PRRC2B: variants seen among roughly 807,000 people sequenced by gnomAD.
The protein encoded by PRRC2B is proline rich coiled-coil 2B.
PRRC2B carries 68 observed loss-of-function variants against 242.3 expected under a neutral mutation model. The ratio of observed to expected loss-of-function variants is 0.28; its 90% CI spans 0.23 to 0.34. The LOEUF (loss-of-function observed/expected upper bound fraction) is 0.34, where lower values mean the gene tolerates loss of function less well. Among genes scored for constraint, PRRC2B ranks in the 10% least tolerant of loss-of-function variants. The pLI, the probability that PRRC2B is intolerant of heterozygous loss-of-function variation, is 1.00. For synonymous variants in PRRC2B, 1,228 were observed against 1,173.6 expected (o/e 1.05, Z -0.95); for missense variants, 2,835 against 2,954.8 (o/e 0.96, Z 0.94).
intron 1 of PRRC2B, among the ~76,000 whole-genome samples, chr9:131,397,561 G>A (rs977575930): frequency 3.9e-5 from 3 of 76,052 alleles, no homozygotes; most frequent in South Asian, 4.3e-4. Flanking sequence ...GTACTTTTGA[G>A]GGTTTTTTTT....
Position 131,484,516 on chromosome 9 carries a change from C to T in PRRC2B, c.5461-170C>T, listed in dbSNP as rs376241023. Among the ~76,000 whole-genome samples, 187 of 152,250 alleles carry T rather than the reference C, an allele frequency of 1.2e-3. 2 individuals are homozygous for T. The highest frequency in any genetic ancestry group is 3.9e-3 in the African/African-American group (162 of 41,548). The stretch of plus-strand genomic sequence containing the variant: ...ATACTGAAGATGCATTTGGACAATT[C>T]ATAGACACGGAGCTGTAGGTGCTTT... On this transcript the variant is annotated intron_variant, in intron 23 of 31. Coordinates refer to ENST00000683519, the MANE Select transcript of PRRC2B (RefSeq NM_013318.4).
At position 131,495,850 on chromosome 9, in the gene PRRC2B, C is replaced by CAA; in HGVS notation, c.6668_6669dup (p.Val2224LysfsTer76). ...CCGGAGCGATCAAGCCTCGGGCTGT[C>CAA]AAAGTGGAGGAGAGTAAGGCCTGAC... On this transcript the variant is annotated frameshift_variant, in exon 32 of 32. Coordinates refer to ENST00000683519, the MANE Select transcript of PRRC2B (RefSeq NM_013318.4). LOFTEE classifies it high-confidence loss of function. The CAA allele has an allele frequency of 6.2e-7, 1 of 1,610,148 alleles. No individual in the cohort carries two copies. Among genetic ancestry groups the CAA allele is most frequent in the Non-Finnish European group, 8.5e-7 (1 of 1,176,926 alleles).
At chr9:131,425,610 C>T (rs945193115) in intron 1 of PRRC2B, among the ~76,000 whole-genome samples, 3 of 151,908 alleles carry the variant, frequency 2.0e-5, no homozygotes. Context: ...GCCTCAGTCC[C>T]CCAAGTAGCT....
Position 131,485,181 on chromosome 9 carries a change from T to G in PRRC2B, c.5758+41T>G, listed in dbSNP as rs1423545160. 2.0e-6 allele frequency: 3 copies of G among 1,466,640 alleles called. No homozygotes were observed. The African/African-American group carries it at 4.2e-5, about 21-fold the overall frequency. The allele number at this position is 1,466,640 out of a possible 1,614,324, so 90.9% of individuals were successfully genotyped here. On this transcript the variant is annotated intron_variant, in intron 25 of 31. Transcript: ENST00000683519. Reference sequence around the variant, plus strand: ...AGCAAGGCCTTGGGGTCCTTCTCCATTTATTATCAAGAAAAACGGATTAAC... The same window carrying G: ...AGCAAGGCCTTGGGGTCCTTCTCCAGTTATTATCAAGAAAAACGGATTAAC...
intron 1 of PRRC2B, among the ~76,000 whole-genome samples, chr9:131,388,089 G>A (rs1836847877): frequency 6.7e-6 from 1 of 149,226 alleles, no homozygotes; most frequent in Non-Finnish European, 1.5e-5. Context: ...TGAGGCATGA[G>A]AATCATTTGA....
At chr9:131,466,265 AG>A (rs1233379368) in intron 12 of PRRC2B, among the ~76,000 whole-genome samples, 2 of 152,206 alleles carry the variant, frequency 1.3e-5, no homozygotes, top group Non-Finnish European at 2.9e-5. Context: ...CTTTCATTAA[AG>A]GTTGAGTGAG....
At chr9:131,449,553 T>TA (rs776330870) in intron 9 of PRRC2B, among the ~76,000 whole-genome samples, 6 of 152,338 alleles carry the variant, frequency 3.9e-5, no homozygotes, top group Admixed American at 2.6e-4. Flanking sequence ...AACACACTTT[T>TA]ATGTGCTATT....
In PRRC2B at chr9:131,432,654, T is replaced by C; in HGVS notation, c.153T>C (p.Val51=). The change falls in exon 3 of 32, where the codon GTT becomes GTC. Residue 51 remains valine, a synonymous_variant. Coordinates refer to ENST00000683519, the MANE Select transcript of PRRC2B (RefSeq NM_013318.4). ...ATGGCTTACAGAGTCTTGGGAAAGT[T>C]GCTGCAGCCCGGCGCATGCCACCGC... ...PRHGLQSLGK[V]AAARRMPPPA... 6.2e-7 allele frequency: 1 copy of C among 1,614,040 alleles called. No individual in the cohort carries two copies. The highest frequency in any genetic ancestry group is 8.5e-7 in the Non-Finnish European group (1 of 1,179,900).
intron 1 of PRRC2B, among the ~76,000 whole-genome samples, chr9:131,380,198 G>C (rs928250149): frequency 4.0e-5 from 6 of 151,560 alleles, no homozygotes; most frequent in Admixed American, 1.3e-4. Flanking sequence ...GGAGGCTGCA[G>C]TGAGCTATGA....
At position 131,482,452 on chromosome 9, in the gene PRRC2B, C is replaced by T. The variant is rs993595721; in HGVS notation, c.5065C>T (p.Arg1689Cys). 6.8e-6 allele frequency: 11 copies of T among 1,610,084 alleles called. No individual in the cohort carries two copies. The highest frequency in any genetic ancestry group is 1.3e-5 in the African/African-American group (1 of 74,864). Residue 1689 changes from arginine to cysteine, a missense_variant, in exon 21 of 32, where the codon CGC (arginine) becomes TGC (cysteine). This residue lies in a region of PRRC2B where 38 missense variants were observed against 73.3 expected (regional missense o/e 0.52). Transcript: ENST00000683519. The surrounding 1 kb of genome is among the most constrained non-coding windows in gnomAD (Gnocchi z 5.2). ...SRESSATSSQRSSPYGTLKPE... is the reference protein window; with the variant it reads ...SRESSATSSQCSSPYGTLKPE... ...GGAGTCGTCTGCGACCTCCTCGCAGCGCAGCTCCCCATATGGGACTCTGAA... is the reference window on the plus strand; with the variant it reads ...GGAGTCGTCTGCGACCTCCTCGCAGTGCAGCTCCCCATATGGGACTCTGAA...
intron 1 of PRRC2B, among the ~76,000 whole-genome samples, chr9:131,377,134 G>T (rs77910149): frequency 4.4e-4 from 60 of 136,298 alleles, no homozygotes; most frequent in African/African-American, 1.3e-3. Flanking sequence ...TTTTTTTTTT[G>T]AGACGGAGTC....
chr9:131,412,837 A>G (rs1290767646), intron 1 of PRRC2B, among the ~76,000 whole-genome samples: 3 of 134,152 alleles, frequency 2.2e-5, no homozygotes, highest in African/African-American at 5.5e-5. Context: ...GCTGTTGCTC[A>G]GGCTGGAGTG....
At chr9:131,474,307 T>G in intron 15 of PRRC2B, 147 bp from the exon 16 acceptor site, 1 of 698,348 alleles carries the variant, frequency 1.4e-6, no homozygotes, top group Non-Finnish European at 2.3e-6. Context: ...GGTTGTTGTT[T>G]TTTGTTTTGT....
At chr9:131,425,479 TTTG>T (rs572600129) in intron 1 of PRRC2B, among the ~76,000 whole-genome samples, 19 of 151,570 alleles carry the variant, frequency 1.3e-4, no homozygotes, top group African/African-American at 3.1e-4. Flanking sequence ...TAAGAGGACT[TTTG>T]TTGTTGTTGT....
intron 9 of PRRC2B, chr9:131,448,060 T>C (rs1257017815): frequency 5.7e-6 from 2 of 352,842 alleles, no homozygotes; most frequent in Admixed American, 4.5e-5. Flanking sequence ...TTAAAAATTA[T>C]TGATGATGCA....
chr9:131,481,681 C>A, intron 19 of PRRC2B, 45 bp from the exon 20 acceptor site: 1 of 1,434,314 alleles, frequency 7.0e-7, no homozygotes, highest in Non-Finnish European at 9.6e-7. Context: ...ACTCTCTAGA[C>A]GGGTTGCTCT....
chr9:131,465,115 C>T, intron 12 of PRRC2B, 37 bp downstream of exon 12: 2 of 1,566,036 alleles, frequency 1.3e-6, no homozygotes, highest in Non-Finnish European at 1.7e-6. Context: ...ACTGGAAACC[C>T]TGGCCTGTTG....
At chr9:131,411,257 C>G (rs1437347131) in intron 1 of PRRC2B, among the ~76,000 whole-genome samples, 1 of 151,790 alleles carries the variant, frequency 6.6e-6, no homozygotes, top group Non-Finnish European at 1.5e-5. Flanking sequence ...ACTGTGTCGG[C>G]AGGGGAAGAA....
intron 1 of PRRC2B, among the ~76,000 whole-genome samples, chr9:131,403,813 G>T (rs1348594038): frequency 6.6e-6 from 1 of 152,012 alleles, no homozygotes; most frequent in Non-Finnish European, 1.5e-5. Flanking sequence ...CTCATGTAGG[G>T]AGGTTTTTTA....
Sources: allele counts gnomAD v4.1 joint callset (sites outside exome capture counted in the v4.1 genomes callset), GRCh38; gene constraint gnomAD v4.1.1; regional missense constraint gnomAD v4.1.1; non-coding constraint Gnocchi (gnomAD v3.1); transcripts MANE v1.5; gene names NCBI Gene and HGNC (gene_info 2026-07-23, HGNC 2026-07-21).